PIRT: variants seen among roughly 807,000 people sequenced by gnomAD.
PIRT encodes the protein phosphoinositide-interacting protein.
A neutral mutation model predicts 7.9 loss-of-function variants in PIRT; 6 were observed. The ratio of observed to expected loss-of-function variants is 0.76; its 90% CI spans 0.42 to 1.51. The LOEUF (loss-of-function observed/expected upper bound fraction) is 1.51, where lower values mean the gene tolerates loss of function less well. Among genes scored for constraint, PIRT ranks in the 40% most tolerant of loss-of-function variants. The pLI, the probability that PIRT is intolerant of heterozygous loss-of-function variation, is 0.01. For synonymous variants in PIRT, 78 were observed against 71.8 expected, an observed-to-expected ratio of 1.09 and a Z score of -0.44; for missense variants, 170 against 172.9, an observed-to-expected ratio of 0.98 and a Z score of 0.09.
At chr17:10,832,303 C>T (rs1460651821) in intron 1 of PIRT, among the ~76,000 whole-genome samples, 1 of 152,200 alleles carries the variant, frequency 6.6e-6, no homozygotes, top group African/African-American at 2.4e-5. Context: ...AGTGATTCTC[C>T]TGCCTCAGCC....
In PIRT at chr17:10,825,391, A is replaced by G. The variant is rs761941319; in HGVS notation, c.255T>C (p.Ser85=). 6.2e-7 allele frequency: 1 copy of G among 1,613,800 alleles called. No homozygotes were observed. Residue 85 remains serine, a synonymous_variant, in exon 2 of 2, where the codon AGT becomes AGC. Coordinates refer to ENST00000580256, the MANE Select transcript of PIRT (RefSeq NM_001101387.2). ...GCCCTACCATTTTGAGGATGGAGAGACTCTTGTCACTCAGCTTCAAGGTGT... is the reference window on the plus strand; with the variant it reads ...GCCCTACCATTTTGAGGATGGAGAGGCTCTTGTCACTCAGCTTCAAGGTGT... ...LAYTLKLSDK[S]LSILKMVGPG...
In PIRT at chr17:10,824,927, G is replaced by A; in HGVS notation, c.*305C>T. The A allele has an allele frequency of 2.6e-6, 1 of 379,030 alleles. No individual in the cohort carries two copies. The highest frequency in any genetic ancestry group is 4.7e-5 in the East Asian group (1 of 21,078). The allele number at this position is 379,030 out of a possible 1,614,324, so 23.5% of individuals were successfully genotyped here. A position where few individuals can be genotyped will look rare whatever the true frequency, so the allele number is the denominator to read the frequency against. ...TTCGAAGAATTTCCCAGCATGCATTGCACTTGGCAGAGAGAGTTGGATGAA... is the reference window on the plus strand; with the variant it reads ...TTCGAAGAATTTCCCAGCATGCATTACACTTGGCAGAGAGAGTTGGATGAA... On this transcript the variant is annotated 3_prime_UTR_variant, in exon 2 of 2. Coordinates refer to ENST00000580256, the MANE Select transcript of PIRT (RefSeq NM_001101387.2).
Position 10,825,326 on chromosome 17 carries a change from C to G in PIRT, c.320G>C (p.Gly107Ala). The G allele has an allele frequency of 1.2e-6, 2 of 1,613,940 alleles. No individual in the cohort carries two copies. The highest frequency in any genetic ancestry group is 8.5e-7 in the Non-Finnish European group (1 of 1,179,894). Residue 107 changes from glycine to alanine, a missense_variant, in exon 2 of 2, where the codon GGG (glycine) becomes GCG (alanine). Transcript: ENST00000580256. ...TTTGATGATGGGCACCCACACCAGCCCGCACACCAGCATCATGAGTCCCAG... is the reference window on the plus strand; with the variant it reads ...TTTGATGATGGGCACCCACACCAGCGCGCACACCAGCATCATGAGTCCCAG... ...LSLGLMMLVC[G>A]LVWVPIIKKK... is the part of the protein sequence containing the mutation.
chr17:10,827,218 G>GA lies in PIRT; in HGVS notation c.-138-1436_-138-1435insT, dbSNP rs1193177990. Among the ~76,000 whole-genome samples the GA allele has an allele frequency of 4.6e-5, 7 of 152,258 alleles. No homozygotes were observed. The Middle Eastern group carries it at 0.014, about 296-fold the overall frequency. On this transcript the variant is annotated intron_variant, in intron 1 of 1. Transcript: ENST00000580256. ...CCTATTCTCAGGCCTGGAAAGGTAT[G>GA]GAGTCTCACTCAATTGCCCACCCCA...
intron 1 of PIRT, among the ~76,000 whole-genome samples, chr17:10,828,003 T>C (rs370765927): frequency 1.3e-4 from 20 of 152,206 alleles, no homozygotes; most frequent in African/African-American, 4.3e-4. Flanking sequence ...ACCCAAGAGA[T>C]TTTACACATC....
chr17:10,827,782 A>C (rs529893077), intron 1 of PIRT, among the ~76,000 whole-genome samples: 9 of 152,074 alleles, frequency 5.9e-5, no homozygotes, highest in Non-Finnish European at 8.8e-5. Context: ...GCCTAGATTA[A>C]AGCCTTTCAT....
At chr17:10,827,465 CTTTTTTTTT>C (rs546105685) in intron 1 of PIRT, among the ~76,000 whole-genome samples, 1,965 of 56,336 alleles carry the variant, frequency 0.035, 65 homozygotes, top group African/African-American at 0.14. Flanking sequence ...TTTTTCTTTT[CTTTTTTTTT>C]TTTTTTTTTT....
In PIRT at chr17:10,825,660, G is replaced by C. The variant is rs1229849646; in HGVS notation, c.-15C>G. The C allele has an allele frequency of 1.4e-6, 2 of 1,458,624 alleles. No individual in the cohort carries two copies. The highest frequency in any genetic ancestry group is 5.0e-5 in the East Asian group (2 of 40,152). 90.4% of individuals were successfully genotyped at this position (1,458,624 alleles called of 1,614,324 possible). ...TCCATCGTCATGGTTGCTCAGGACT[G>C]GGCGCCTAGGACCAGCAATAGTTGG... On this transcript the variant is annotated 5_prime_UTR_variant, in exon 2 of 2. Transcript: ENST00000580256.
chr17:10,836,641 C>A (rs1022815912), intron 1 of PIRT, among the ~76,000 whole-genome samples: 1 of 152,218 alleles, frequency 6.6e-6, no homozygotes. Flanking sequence ...CCTTCCTGAG[C>A]TTCTGCCCCT....
At chr17:10,829,621 C>T (rs559895663) in intron 1 of PIRT, among the ~76,000 whole-genome samples, 1 of 152,248 alleles carries the variant, frequency 6.6e-6, no homozygotes, top group Non-Finnish European at 1.5e-5. Context: ...GGATGGGTCC[C>T]AAAGGTTCCT....
Position 10,825,695 on chromosome 17 carries a change from T to A in PIRT, c.-50A>T. 6.9e-7 allele frequency: 1 copy of A among 1,444,788 alleles called. No individual in the cohort carries two copies. Among genetic ancestry groups the A allele is most frequent in the Non-Finnish European group, 9.1e-7 (1 of 1,096,202 alleles). 89.5% of individuals were successfully genotyped at this position (1,444,788 alleles called of 1,614,324 possible). A position where few individuals can be genotyped will look rare whatever the true frequency, so the allele number is the denominator to read the frequency against. On this transcript the variant is annotated 5_prime_UTR_variant, in exon 2 of 2. Coordinates refer to ENST00000580256, the MANE Select transcript of PIRT (RefSeq NM_001101387.2). ...GACCAGCAATAGTTGGAAACAAGAG[T>A]GGAGCCAAAGGAATCCTCACACACC...
chr17:10,832,695 G>A (rs780663463), intron 1 of PIRT, among the ~76,000 whole-genome samples: 31 of 152,218 alleles, frequency 2.0e-4, no homozygotes, highest in Non-Finnish European at 3.7e-4. Flanking sequence ...AGGCACTGGG[G>A]ATAATTAGGG....
intron 1 of PIRT, among the ~76,000 whole-genome samples, chr17:10,833,891 T>C (rs1247412277): frequency 6.6e-6 from 1 of 152,146 alleles, no homozygotes; most frequent in African/African-American, 2.4e-5. Flanking sequence ...ACATTGATGT[T>C]TAACAGGAAA....
At chr17:10,827,218 G>A (rs945335790) in intron 1 of PIRT, among the ~76,000 whole-genome samples, 1 of 152,140 alleles carries the variant, frequency 6.6e-6, no homozygotes, top group African/African-American at 2.4e-5. Context: ...GGAAAGGTAT[G>A]GAGTCTCACT....
At chr17:10,830,353 G>A (rs1332931760) in intron 1 of PIRT, among the ~76,000 whole-genome samples, 1 of 152,196 alleles carries the variant, frequency 6.6e-6, no homozygotes, top group African/African-American at 2.4e-5. Context: ...GAAGCTGCTT[G>A]TGATGGAAAG....
chr17:10,837,747 C>T (rs1438168324), intron 1 of PIRT, among the ~76,000 whole-genome samples, 198 bp downstream of exon 1: 4 of 152,208 alleles, frequency 2.6e-5, no homozygotes, highest in African/African-American at 9.6e-5. Context: ...CCACTGTCTG[C>T]CAAGACCCTC....
intron 1 of PIRT, among the ~76,000 whole-genome samples, chr17:10,833,851 G>A (rs1905521263): frequency 6.6e-6 from 1 of 151,898 alleles, no homozygotes; most frequent in South Asian, 2.1e-4. Flanking sequence ...CATATAACAA[G>A]TGAACAAGGA....
At chr17:10,827,465 C>CTTTTCTTTTTTTTTTTTTTTTT (rs1905353956) in intron 1 of PIRT, among the ~76,000 whole-genome samples, 1 of 56,292 alleles carries the variant, frequency 1.8e-5, no homozygotes, top group African/African-American at 7.5e-5. Flanking sequence ...TTTTTCTTTT[C>CTTTTCTTTTTTTTTTTTTTTTT]TTTTTTTTTT....
chr17:10,837,804 C>A (rs1905627828), intron 1 of PIRT, 141 bp downstream of exon 1: 1 of 152,286 alleles, frequency 6.6e-6, no homozygotes, highest in Non-Finnish European at 1.5e-5. Flanking sequence ...CAGGGCATAG[C>A]CCCCTTTTCT....
Sources: allele counts gnomAD v4.1 joint callset (sites outside exome capture counted in the v4.1 genomes callset), GRCh38; gene constraint gnomAD v4.1.1; transcripts MANE v1.5; gene names NCBI Gene and HGNC (gene_info 2026-07-23, HGNC 2026-07-21).